GSR: variants seen among roughly 807,000 people sequenced by gnomAD.
GSR encodes the protein glutathione-disulfide reductase.
In GSR, 48 loss-of-function variants were observed where a neutral mutation model predicts 56.5. That is an observed-to-expected ratio of 0.85 (90% CI 0.67 to 1.08). The LOEUF (loss-of-function observed/expected upper bound fraction) is 1.08. Among genes scored for constraint, GSR ranks in the 50% least tolerant of loss-of-function variants. The probability of loss-of-function intolerance (pLI) is 0.00; values close to 1 mark genes in which losing one functional copy is unlikely to be tolerated. For synonymous variants in GSR, 264 were observed against 270.8 expected (o/e 0.97, Z 0.25); for missense variants, 694 against 703.3 (o/e 0.99, Z 0.15).
At chr8:30,703,371 G>C (rs138449562) in intron 4 of GSR, 131 bp from the exon 5 acceptor site, 1 of 871,642 alleles carries the variant, frequency 1.1e-6, no homozygotes, top group South Asian at 1.4e-5. Flanking sequence ...ACAATTCTCC[G>C]TTTTTCAAGT....
At chr8:30,704,897 T>G (rs1188557019) in intron 4 of GSR, 2 of 152,152 alleles carry the variant, frequency 1.3e-5, no homozygotes, top group African/African-American at 4.8e-5. Context: ...CGCGTGGCGA[T>G]AGGACAGACA....
chr8:30,681,754 G>A (rs763760604), intron 11 of GSR, among the ~76,000 whole-genome samples, 176 bp downstream of exon 11: 2 of 151,976 alleles, frequency 1.3e-5, no homozygotes, highest in Non-Finnish European at 2.9e-5. Context: ...GAAAGATACT[G>A]TACACTCAAA....
At position 30,679,089 on chromosome 8, in the gene GSR, TG is replaced by T. The variant is rs1802847601; in HGVS notation, c.*430del. The T allele has an allele frequency of 6.1e-6, 1 of 165,236 alleles. No homozygotes were observed. The highest frequency in any genetic ancestry group is 2.6e-5 in the African/African-American group (1 of 39,196). The allele number at this position is 165,236 out of a possible 1,614,324, so 10.2% of individuals were successfully genotyped here. A position where few individuals can be genotyped will look rare whatever the true frequency, so the allele number is the denominator to read the frequency against. On this transcript the variant is annotated 3_prime_UTR_variant, in exon 13 of 13. Transcript: ENST00000221130. ...ACTTGAACCCAGGAGGCAGAGGTTGTGGTGAGCTGAAATAGCACCACCGCAC... is the reference window on the plus strand; with the variant it reads ...ACTTGAACCCAGGAGGCAGAGGTTGTGTGAGCTGAAATAGCACCACCGCAC...
Position 30,727,606 on chromosome 8 carries a change from A to T in GSR, c.230T>A (p.Leu77Gln), listed in dbSNP as rs1042668319. 31 of 1,515,286 alleles carry T rather than the reference A, an allele frequency of 2.0e-5. No individual in the cohort carries two copies. The highest frequency in any genetic ancestry group is 2.5e-5 in the Non-Finnish European group (29 of 1,137,888). 93.9% of individuals were successfully genotyped at this position (1,515,286 alleles called of 1,614,324 possible). A position where few individuals can be genotyped will look rare whatever the true frequency, so the allele number is the denominator to read the frequency against. ...CTCGGCCGCCCTGCGCGCGCTGGCC[A>T]GCCCGCCCGAGCCGCCCCCGATCAC... is the stretch of plus-strand genomic sequence containing the variant. ...YLVIGGGSGG[L>Q]ASARRAAELG... is the part of the protein sequence containing the mutation. The change falls in exon 1 of 13, where the codon CTG becomes CAG. Residue 77 changes from leucine (L) to glutamine (Q), a missense_variant. By Grantham distance (113) the Leu-to-Gln change is moderately radical. Transcript: ENST00000221130.
At chr8:30,699,902 T>G (rs924578691) in intron 6 of GSR, among the ~76,000 whole-genome samples, 179 bp downstream of exon 6, 2 of 152,082 alleles carry the variant, frequency 1.3e-5, no homozygotes, top group Non-Finnish European at 2.9e-5. Context: ...CATGAAAGAT[T>G]TGAGGGATCT....
In GSR at chr8:30,681,935, G is replaced by A. The variant is rs781019832; in HGVS notation, c.1280C>T (p.Thr427Met). 4.7e-5 allele frequency: 76 copies of A among 1,613,568 alleles called. No homozygotes were observed. The highest frequency in any genetic ancestry group is 1.8e-4 in the East Asian group (8 of 44,888). Reference protein sequence around the residue: ...SHPPIGTVGLTEDEAIHKYGI... With the variant: ...SHPPIGTVGLMEDEAIHKYGI... The stretch of plus-strand genomic sequence containing the variant: ...TTCAGTTTTTAAATACCTACCTTCC[G>A]TGAGTCCCACTGTCCCAATAGGGGG... Residue 427 changes from threonine (T) to methionine (M), a missense_variant, in exon 11 of 13, where the codon ACG (threonine) becomes ATG (methionine). By Grantham distance (81) the Thr-to-Met change is moderately conservative. Coordinates refer to ENST00000221130, the MANE Select transcript of GSR (RefSeq NM_000637.5).
intron 5 of GSR, among the ~76,000 whole-genome samples, chr8:30,701,051 A>C (rs999014293): frequency 6.6e-6 from 1 of 152,180 alleles, no homozygotes; most frequent in Non-Finnish European, 1.5e-5. Context: ...TCCAACCCAT[A>C]TCTCTCTCAA....
chr8:30,680,741 A>G (rs1215594227), intron 12 of GSR, among the ~76,000 whole-genome samples, 163 bp downstream of exon 12: 1 of 152,088 alleles, frequency 6.6e-6, no homozygotes, highest in Non-Finnish European at 1.5e-5. Flanking sequence ...TAGATGAAAT[A>G]TTATGAAGAA....
intron 1 of GSR, among the ~76,000 whole-genome samples, chr8:30,719,010 A>G (rs1177017834): frequency 6.7e-6 from 1 of 150,060 alleles, no homozygotes; most frequent in African/African-American, 2.5e-5. Flanking sequence ...GTTCATCACA[A>G]CCTCTGCCTC....
chr8:30,700,983 C>T (rs1422949547), intron 5 of GSR, among the ~76,000 whole-genome samples: 1 of 152,094 alleles, frequency 6.6e-6, no homozygotes, highest in Non-Finnish European at 1.5e-5. Flanking sequence ...TATCTCGCCA[C>T]ACAATTTTAC....
chr8:30,712,208 T>A, intron 1 of GSR, 120 bp from the exon 2 acceptor site: 3 of 609,708 alleles, frequency 4.9e-6, no homozygotes, highest in Non-Finnish European at 6.0e-6. Context: ...TAAGTCACAG[T>A]GTACTAAATT....
chr8:30,709,376 A>G (rs535301463), intron 3 of GSR, among the ~76,000 whole-genome samples: 26 of 152,274 alleles, frequency 1.7e-4, no homozygotes, highest in Non-Finnish European at 2.2e-4. Flanking sequence ...ACAAACAAAC[A>G]AAAAGGAATG....
At position 30,709,967 on chromosome 8, in the gene GSR, A is replaced by C; in HGVS notation, c.334-65T>G. On this transcript the variant is annotated intron_variant, in intron 2 of 12. Transcript: ENST00000221130. ...AAATCAGTCCTGAGGGAAAAAAGGA[A>C]TCATGAATGAATGGTAACTAGGTAA... The C allele has an allele frequency of 5.8e-6, 5 of 860,086 alleles. No homozygotes were observed. The South Asian group carries it at 5.8e-5, about 10-fold the overall frequency. The allele number at this position is 860,086 out of a possible 1,614,324, so 53.3% of individuals were successfully genotyped here.
intron 2 of GSR, 22 bp from the exon 3 acceptor site, chr8:30,709,924 A>G (rs1297112492): frequency 2.0e-5 from 24 of 1,206,620 alleles, no homozygotes; most frequent in East Asian, 1.2e-4. Flanking sequence ...AAAAAAAAAA[A>G]GGATCCAAAA....
At chr8:30,687,181 T>C (rs1298148332) in intron 9 of GSR, among the ~76,000 whole-genome samples, 2 of 152,154 alleles carry the variant, frequency 1.3e-5, no homozygotes. Flanking sequence ...TTTTACTAAA[T>C]GTCATTGAAT....
At position 30,709,964 on chromosome 8, in the gene GSR, G is replaced by T; in HGVS notation, c.334-62C>A. 3 of 898,458 alleles carry T rather than the reference G, an allele frequency of 3.3e-6. 1 individual carries two copies. Among genetic ancestry groups the T allele is most frequent in the Admixed American group, 4.2e-5 (2 of 47,096 alleles). 55.7% of individuals were successfully genotyped at this position (898,458 alleles called of 1,614,324 possible). On this transcript the variant is annotated intron_variant, in intron 2 of 12. Transcript: ENST00000221130. ...AGTAAATCAGTCCTGAGGGAAAAAA[G>T]GAATCATGAATGAATGGTAACTAGG...
rs946084592 is a variant in GSR at position 30,679,443 on chromosome 8, A to C, written c.*77T>G. The stretch of plus-strand genomic sequence containing the variant: ...ATAAAGAAATACATAAAACTCAAAC[A>C]GTAAGTCAATGTGATTATTTGTTTC... On this transcript the variant is annotated 3_prime_UTR_variant, in exon 13 of 13. Transcript: ENST00000221130. The C allele has an allele frequency of 1.4e-5, 19 of 1,374,924 alleles. No homozygotes were observed. Among genetic ancestry groups the C allele is most frequent in the Non-Finnish European group, 1.9e-5 (18 of 969,156 alleles). 85.2% of individuals were successfully genotyped at this position (1,374,924 alleles called of 1,614,324 possible). A position where few individuals can be genotyped will look rare whatever the true frequency, so the allele number is the denominator to read the frequency against.
chr8:30,723,750 C>T (rs1474228317), intron 1 of GSR, among the ~76,000 whole-genome samples: 2 of 150,248 alleles, frequency 1.3e-5, no homozygotes, highest in Admixed American at 6.7e-5. Flanking sequence ...CGAGATCACC[C>T]CACTGCACTC....
At chr8:30,710,714 C>CAAAAAAAA (rs60532553) in intron 2 of GSR, among the ~76,000 whole-genome samples, 9 of 51,030 alleles carry the variant, frequency 1.8e-4, no homozygotes, top group African/African-American at 3.9e-4. Context: ...GACTCTGTCT[C>CAAAAAAAA]AAAAAAAAAA....
Sources: allele counts gnomAD v4.1 joint callset (sites outside exome capture counted in the v4.1 genomes callset), GRCh38; gene constraint gnomAD v4.1.1; transcripts MANE v1.5; gene names NCBI Gene and HGNC (gene_info 2026-07-23, HGNC 2026-07-21).